LRRC7: variants seen among roughly 807,000 people sequenced by gnomAD.
LRRC7 encodes leucine-rich repeat-containing protein 7.
LRRC7 carries 23 observed loss-of-function variants against 175.7 expected under a neutral mutation model. The observed-to-expected ratio is 0.13, with a 90% confidence interval of 0.09 to 0.19. LRRC7 has a LOEUF of 0.19. Among genes scored for constraint, LRRC7 ranks in the 10% least tolerant of loss-of-function variants. LRRC7 has a pLI of 1.00. For synonymous variants in LRRC7, 685 were observed against 680.9 expected, an observed-to-expected ratio of 1.01 and a Z score of -0.09; for missense variants, 1,354 against 1,904.7, an observed-to-expected ratio of 0.71 and a Z score of 5.38.
intron 7 of LRRC7, among the ~76,000 whole-genome samples, chr1:69,863,513 T>A (rs1484517092): frequency 6.6e-6 from 1 of 152,160 alleles, no homozygotes; most frequent in Admixed American, 6.5e-5. Context: ...AGAGCATTAT[T>A]TCAACAAATA....
At chr1:69,769,866 A>AGTTGT (rs1353930777) in intron 3 of LRRC7, among the ~76,000 whole-genome samples, 1 of 152,314 alleles carries the variant, frequency 6.6e-6, no homozygotes, top group East Asian at 1.9e-4. Context: ...ATGGATTTAC[A>AGTTGT]GTTGTGTCAG....
At chr1:69,896,389 A>T (rs924367023) in intron 7 of LRRC7, among the ~76,000 whole-genome samples, 3 of 152,174 alleles carry the variant, frequency 2.0e-5, no homozygotes, top group Non-Finnish European at 4.4e-5. Flanking sequence ...CAAACACTAC[A>T]TCTTATTTCT....
chr1:69,603,002 C>T (rs1277766563), intron 1 of LRRC7, among the ~76,000 whole-genome samples: 1 of 152,186 alleles, frequency 6.6e-6, no homozygotes, highest in Non-Finnish European at 1.5e-5. Flanking sequence ...GTGAGGTTCA[C>T]ACAATAACAA....
At chr1:69,887,506 G>A (rs1645674748) in intron 7 of LRRC7, among the ~76,000 whole-genome samples, 1 of 149,480 alleles carries the variant, frequency 6.7e-6, no homozygotes. Context: ...GGTTATTCTA[G>A]TTATACATTC....
chr1:69,925,200 G>C (rs1570678367), intron 7 of LRRC7, among the ~76,000 whole-genome samples: 2 of 152,134 alleles, frequency 1.3e-5, no homozygotes, highest in East Asian at 1.9e-4. Context: ...GATTCGGTTT[G>C]CCAGTATTTT....
At chr1:69,919,647 A>G in intron 7 of LRRC7, 1 of 873,866 alleles carries the variant, frequency 1.1e-6, no homozygotes, top group Non-Finnish European at 1.9e-6. Context: ...AAGGCAGGAG[A>G]GAAGGACTTT....
At chr1:69,712,038 T>C (rs1321653025) in intron 2 of LRRC7, among the ~76,000 whole-genome samples, 1 of 152,126 alleles carries the variant, frequency 6.6e-6, no homozygotes, top group Non-Finnish European at 1.5e-5. Flanking sequence ...AAATTTTGAC[T>C]AAAAATCTAG....
chr1:69,844,501 A>G (rs1682113359), intron 7 of LRRC7, among the ~76,000 whole-genome samples: 1 of 152,178 alleles, frequency 6.6e-6, no homozygotes. Flanking sequence ...ATGTTCTCAC[A>G]TATGGCAGGA....
At chr1:69,709,064 C>T (rs1295058068) in intron 2 of LRRC7, among the ~76,000 whole-genome samples, 1 of 152,210 alleles carries the variant, frequency 6.6e-6, no homozygotes, top group African/African-American at 2.4e-5. Context: ...AGATTGTTCC[C>T]TTCAAAGCAA....
intron 2 of LRRC7, among the ~76,000 whole-genome samples, chr1:69,705,789 GC>G: frequency 6.6e-6 from 1 of 152,092 alleles, no homozygotes; most frequent in East Asian, 1.9e-4. Context: ...TATCTCCCAG[GC>G]CCCTAGACTC....
chr1:69,846,242 T>G (rs1682352482), intron 7 of LRRC7, among the ~76,000 whole-genome samples: 1 of 152,092 alleles, frequency 6.6e-6, no homozygotes, highest in African/African-American at 2.4e-5. Flanking sequence ...AGTTCTGCCT[T>G]GTGAACGAAT....
intron 7 of LRRC7, among the ~76,000 whole-genome samples, chr1:69,879,216 A>AC (rs1416882702): frequency 5.1e-4 from 64 of 126,054 alleles, no homozygotes; most frequent in African/African-American, 1.8e-3. Flanking sequence ...CTGCTTTAAA[A>AC]AAAAAAAAAA....
intron 7 of LRRC7, among the ~76,000 whole-genome samples, chr1:69,882,002 C>T (rs1349416264): frequency 1.5e-5 from 2 of 131,404 alleles, no homozygotes; most frequent in Non-Finnish European, 3.2e-5. Flanking sequence ...GTTCATACGA[C>T]TGAATAGCAA....
At chr1:70,106,293 T>A (rs1335030968) in intron 25 of LRRC7, among the ~76,000 whole-genome samples, 1 of 152,170 alleles carries the variant, frequency 6.6e-6, no homozygotes, top group Non-Finnish European at 1.5e-5. Context: ...CCGTACATGT[T>A]AACAGTTACT....
At chr1:69,902,291 C>T (rs112388778) in intron 7 of LRRC7, among the ~76,000 whole-genome samples, 2,680 of 152,174 alleles carry the variant, frequency 0.018, 81 homozygotes, top group African/African-American at 0.061. Flanking sequence ...TAATTGGGAC[C>T]AGGTGTGGTG....
At chr1:69,851,194 G>C (rs1055176572) in intron 7 of LRRC7, among the ~76,000 whole-genome samples, 1 of 152,156 alleles carries the variant, frequency 6.6e-6, no homozygotes, top group South Asian at 2.1e-4. Flanking sequence ...ATTGAGAGGA[G>C]TTTGATAAGA....
chr1:70,086,987 G>T (rs1223009559), intron 24 of LRRC7, among the ~76,000 whole-genome samples: 4 of 152,100 alleles, frequency 2.6e-5, no homozygotes, highest in African/African-American at 7.2e-5. Context: ...TGCTTTATGA[G>T]ACCCAGTAGT....
chr1:69,803,474 T>G (rs1279959839), intron 4 of LRRC7, among the ~76,000 whole-genome samples: 1 of 151,348 alleles, frequency 6.6e-6, no homozygotes. Context: ...TTTGTTAGAG[T>G]TATGTTTAAG....
intron 1 of LRRC7, among the ~76,000 whole-genome samples, chr1:69,571,930 C>T (rs575881280): frequency 1.3e-4 from 20 of 152,250 alleles, no homozygotes; most frequent in Admixed American, 7.8e-4. Flanking sequence ...CTGTTGAACA[C>T]AGTAGTTATA....
Sources: gnomAD v4.1 joint callset for allele counts (sites outside exome capture counted in the v4.1 genomes callset) on GRCh38, gnomAD v4.1.1 for gene constraint, MANE v1.5 for transcripts, NCBI Gene and HGNC (gene_info 2026-07-23, HGNC 2026-07-21) for gene names.